The following KIFC1 variants were observed in gnomAD, a reference collection of about 807,000 sequenced individuals.
The protein encoded by KIFC1 is kinesin-like protein KIFC1.
Under a neutral mutation model 66.6 loss-of-function variants are expected in KIFC1, and 37 were observed. That is an observed-to-expected ratio of 0.56 (90% confidence interval 0.43 to 0.73). KIFC1 has a LOEUF of 0.73. KIFC1 is among the 30% of genes least tolerant of loss of function. The pLI, the probability that KIFC1 is intolerant of heterozygous loss-of-function variation, is 0.00. For synonymous variants in KIFC1, 325 were observed against 343.5 expected (o/e 0.95, Z 0.60); for missense variants, 721 against 859.8 (o/e 0.84, Z 2.02).
intron 1 of KIFC1, 28 bp downstream of exon 1, chr6:33,392,025 C>T (rs1198545760): frequency 1.2e-6 from 2 of 1,612,904 alleles, no homozygotes; most frequent in South Asian, 1.1e-5. Context: ...AGGTGTCCTG[C>T]CCTGGGGATG....
chr6:33,395,639 T>G (rs1441372304), intron 1 of KIFC1, among the ~76,000 whole-genome samples: 1 of 152,228 alleles, frequency 6.6e-6, no homozygotes, highest in East Asian at 1.9e-4. Context: ...TCTTTGGAGT[T>G]GTCCTGAATA....
At chr6:33,408,271 T>G (rs1775747009) in intron 10 of KIFC1, among the ~76,000 whole-genome samples, 1 of 152,228 alleles carries the variant, frequency 6.6e-6, no homozygotes, top group African/African-American at 2.4e-5. Context: ...TATCCCACAC[T>G]GCCACTATTA....
At chr6:33,397,924 AGTGCTTG>A in intron 1 of KIFC1, 98 bp from the exon 2 acceptor site, 1 of 1,196,660 alleles carries the variant, frequency 8.4e-7, no homozygotes, top group Non-Finnish European at 1.2e-6. Flanking sequence ...AGTGGTGCTC[AGTGCTTG>A]GTGGTGGTGT....
Position 33,409,759 on chromosome 6 carries a change from A to T in KIFC1, c.*69A>T. On this transcript the variant is annotated 3_prime_UTR_variant, in exon 11 of 11. Coordinates refer to ENST00000428849, the MANE Select transcript of KIFC1 (RefSeq NM_002263.4). ...TGTGTGTGTGTGTGTGTGTGTCCCT[A>T]TGTCTATGTATCGGGTGAGGGGTGG... The T allele has an allele frequency of 6.5e-5, 51 of 787,964 alleles. No homozygotes were observed. Among genetic ancestry groups the T allele is most frequent in the African/African-American group, 9.8e-5 (4 of 40,896 alleles). The allele number at this position is 787,964 out of a possible 1,614,324, so 48.8% of individuals were successfully genotyped here.
Position 33,403,433 on chromosome 6 carries a change from G to T in KIFC1, c.305-52G>T. ...GTATGTGTAAAGGGAGAATGATGGA[G>T]GTGGAGGGACACTGGTCCTGTAATT... On this transcript the variant is annotated intron_variant, in intron 4 of 10. Coordinates refer to ENST00000428849, the MANE Select transcript of KIFC1 (RefSeq NM_002263.4). This position sits in a 1 kb window ranked among gnomAD's most constrained non-coding sequence, Gnocchi z 4.6. 1 of 1,609,204 alleles carries T rather than the reference G, an allele frequency of 6.2e-7. No homozygotes were observed. Among genetic ancestry groups the T allele is most frequent in the Non-Finnish European group, 8.5e-7 (1 of 1,175,462 alleles).
rs1410074125 is a variant in KIFC1, at chr6:33,409,771, C to T, written c.*81C>T. 2 of 848,762 alleles carry T rather than the reference C, an allele frequency of 2.4e-6. No individual in the cohort carries two copies. Among genetic ancestry groups the T allele is most frequent in the African/African-American group, 2.0e-5 (1 of 50,064 alleles). 52.6% of individuals were successfully genotyped at this position (848,762 alleles called of 1,614,324 possible). A position where few individuals can be genotyped will look rare whatever the true frequency, so the allele number is the denominator to read the frequency against. ...TGTGTGTGTCCCTATGTCTATGTATCGGGTGAGGGGTGGGAGGGTTGCTGG... is the reference window on the plus strand; with the variant it reads ...TGTGTGTGTCCCTATGTCTATGTATTGGGTGAGGGGTGGGAGGGTTGCTGG... On this transcript the variant is annotated 3_prime_UTR_variant, in exon 11 of 11. Transcript: ENST00000428849.
rs1775186185 is a variant in KIFC1 at position 33,398,183 on chromosome 6, G to C, written c.150+17G>C. The C allele has an allele frequency of 1.9e-6, 3 of 1,614,168 alleles. No individual in the cohort carries two copies. Among genetic ancestry groups the C allele is most frequent in the Non-Finnish European group, 2.5e-6 (3 of 1,180,020 alleles). On this transcript the variant is annotated intron_variant, in intron 2 of 10. Coordinates refer to ENST00000428849, the MANE Select transcript of KIFC1 (RefSeq NM_002263.4). The stretch of plus-strand genomic sequence containing the variant: ...CCTGAGAAGGTGAGCTGGGCATGGA[G>C]AGCTGTGCATGTGTGTGGGGGGTGT...
rs1198798144 is a variant in KIFC1 at position 33,404,301 on chromosome 6, A to G, written c.756+172A>G. Among the ~76,000 whole-genome samples, 1 of 151,494 alleles carries G rather than the reference A, an allele frequency of 6.6e-6. No homozygotes were observed. The highest frequency in any genetic ancestry group is 2.4e-5 in the African/African-American group (1 of 41,168). ...TCTTGACCTGTCTGCACCCCAGCCC[A>G]CTCCTGACTGTCTTGCTTTCTGCCA... On this transcript the variant is annotated intron_variant, in intron 6 of 10. Coordinates refer to ENST00000428849, the MANE Select transcript of KIFC1 (RefSeq NM_002263.4). This position sits in a 1 kb window ranked among gnomAD's most constrained non-coding sequence, Gnocchi z 4.0.
chr6:33,406,453 G>C lies in KIFC1; in HGVS notation c.1794G>C (p.Thr598=), dbSNP rs576095938. The C allele has an allele frequency of 3.7e-5, 59 of 1,598,974 alleles. 1 individual carries two copies. In the South Asian group the frequency reaches 5.9e-4, roughly 16 times the overall value. The change falls in exon 8 of 11, where the codon ACG becomes ACC. Residue 598 remains threonine, a synonymous_variant. Transcript: ENST00000428849. This position sits in a 1 kb window ranked among gnomAD's most constrained non-coding sequence, Gnocchi z 4.5. The stretch of plus-strand genomic sequence containing the variant: ...AGGCCATTAACAGCAGCCTGTCCAC[G>C]CTGGGGCTGGTTATCATGGCCCTGA... ...ETQAINSSLS[T]LGLVIMALSN...
chr6:33,409,059 T>G (rs1255740169), intron 10 of KIFC1, among the ~76,000 whole-genome samples: 1 of 152,102 alleles, frequency 6.6e-6, no homozygotes, highest in Non-Finnish European at 1.5e-5. Context: ...TCTCAGCTAC[T>G]TTGGGAGTCT....
chr6:33,406,719 G>T lies in KIFC1; in HGVS notation c.1901+54G>T, dbSNP rs1204870480. 6.2e-7 allele frequency: 1 copy of T among 1,610,850 alleles called. No individual in the cohort carries two copies. The highest frequency in any genetic ancestry group is 1.7e-5 in the Admixed American group (1 of 59,980). ...CAGGTAGGAACTGTGTTGGGGTGAG[G>T]GGTAGAAAGGGGAACAGTGGAGACC... On this transcript the variant is annotated intron_variant, in intron 9 of 10. Transcript: ENST00000428849. The surrounding 1 kb of genome is among the most constrained non-coding windows in gnomAD (Gnocchi z 4.5).
rs1774799149 is a variant in KIFC1 at position 33,391,887 on chromosome 6, C to G, written c.-99C>G. On this transcript the variant is annotated 5_prime_UTR_variant, in exon 1 of 11. Transcript: ENST00000428849. ...GGCCGGAGCCGTGCGAGTTCTCTACCCTGCTTCGCGAGCGGGCGAGAGAAC... is the reference window on the plus strand; with the variant it reads ...GGCCGGAGCCGTGCGAGTTCTCTACGCTGCTTCGCGAGCGGGCGAGAGAAC... 2 of 1,475,752 alleles carry G rather than the reference C, an allele frequency of 1.4e-6. No homozygotes were observed. Among genetic ancestry groups the G allele is most frequent in the Admixed American group, 3.5e-5 (2 of 57,364 alleles). The allele number at this position is 1,475,752 out of a possible 1,614,324, so 91.4% of individuals were successfully genotyped here.
chr6:33,405,388 G>A lies in KIFC1; in HGVS notation c.1293G>A (p.Glu431=), dbSNP rs1775591959. The part of the protein sequence containing the change: ...EGGPGGDPQL[E]GLIPRALRHL... Reference sequence around the variant, plus strand: ...GGCCTGGGGGAGACCCCCAGTTGGAGGGGCTGATCCCTCGGGCCCTGCGGC... The same window carrying A: ...GGCCTGGGGGAGACCCCCAGTTGGAAGGGCTGATCCCTCGGGCCCTGCGGC... Residue 431 remains glutamate, a synonymous_variant, in exon 7 of 11, where the codon GAG becomes GAA. Transcript: ENST00000428849. The surrounding 1 kb of genome is among the most constrained non-coding windows in gnomAD (Gnocchi z 5.4). 6.2e-7 allele frequency: 1 copy of A among 1,608,720 alleles called. No individual in the cohort carries two copies.
intron 1 of KIFC1, among the ~76,000 whole-genome samples, chr6:33,396,977 T>C (rs1183033603): frequency 1.7e-4 from 20 of 119,156 alleles, no homozygotes; most frequent in African/African-American, 4.5e-4. Context: ...CCACCGCGCC[T>C]GGCCAAGTTC....
chr6:33,407,675 A>G (rs1775725055), intron 10 of KIFC1, among the ~76,000 whole-genome samples: 1 of 152,228 alleles, frequency 6.6e-6, no homozygotes, highest in Non-Finnish European at 1.5e-5. Context: ...TCAAAGACTT[A>G]GAGGTTTTTC....
Position 33,405,079 on chromosome 6 carries a change from C to T in KIFC1, c.984C>T (p.Pro328=), listed in dbSNP as rs770584901. ...TCCTGCCGGGGGAGCCCACTCCACC[C>T]CCTGGCCTCCTCCTGTTTCCCTCTG... ...RPVLPGEPTP[P]PGLLLFPSGP... The change falls in exon 7 of 11, where the codon CCC becomes CCT. Residue 328 remains proline (P), a synonymous_variant. Coordinates refer to ENST00000428849, the MANE Select transcript of KIFC1 (RefSeq NM_002263.4). This position sits in a 1 kb window ranked among gnomAD's most constrained non-coding sequence, Gnocchi z 5.4. The T allele has an allele frequency of 1.4e-5, 23 of 1,613,994 alleles. 1 individual carries two copies. Among genetic ancestry groups the T allele is most frequent in the Admixed American group, 1.3e-4 (8 of 60,008 alleles).
rs757108061 is a variant in KIFC1 at position 33,406,879 on chromosome 6, C to T, written c.1977+4C>T. On this transcript the variant is annotated splice_donor_region_variant and intron_variant, in intron 10 of 10. Coordinates refer to ENST00000428849, the MANE Select transcript of KIFC1 (RefSeq NM_002263.4). This position sits in a 1 kb window ranked among gnomAD's most constrained non-coding sequence, Gnocchi z 4.5. ...CTCTCTACGCTTTGCCTCCAAGGTG[C>T]GATTACCACCCGTCAGCCTTGTCAG... 21 of 1,614,008 alleles carry T rather than the reference C, an allele frequency of 1.3e-5. No individual in the cohort carries two copies. The highest frequency in any genetic ancestry group is 1.7e-4 in the Middle Eastern group (1 of 6,060).
intron 1 of KIFC1, 121 bp downstream of exon 1, chr6:33,392,118 C>T (rs1774817454): frequency 2.0e-5 from 22 of 1,098,276 alleles, no homozygotes; most frequent in Non-Finnish European, 2.9e-5. Context: ...GAGCGAAGGT[C>T]CGTGCGCCCC....
chr6:33,404,968 T>C lies in KIFC1; in HGVS notation c.873T>C (p.His291=), dbSNP rs751756349. The change falls in exon 7 of 11, where the codon CAT becomes CAC. Residue 291 remains histidine, a synonymous_variant. Coordinates refer to ENST00000428849, the MANE Select transcript of KIFC1 (RefSeq NM_002263.4). This position sits in a 1 kb window ranked among gnomAD's most constrained non-coding sequence, Gnocchi z 4.0. The part of the protein sequence containing the change: ...ALLTEREERL[H]GLEMERRRLH... Reference sequence around the variant, plus strand: ...TGACTGAGCGGGAAGAACGTCTTCATGGGCTAGAAATGGAGCGCCGGCGAC... The same window carrying C: ...TGACTGAGCGGGAAGAACGTCTTCACGGGCTAGAAATGGAGCGCCGGCGAC... 9 of 1,614,120 alleles carry C rather than the reference T, an allele frequency of 5.6e-6. No individual in the cohort carries two copies. The South Asian group carries it at 7.7e-5, about 14-fold the overall frequency.
Sources: gnomAD v4.1 joint callset for allele counts (sites outside exome capture counted in the v4.1 genomes callset) on GRCh38, gnomAD v4.1.1 for gene constraint, Gnocchi (gnomAD v3.1) non-coding constraint, MANE v1.5 for transcripts, NCBI Gene and HGNC (gene_info 2026-07-23, HGNC 2026-07-21) for gene names.